Variants in RAPGEF4 observed in about 807,000 individuals in gnomAD.
RAPGEF4 encodes RAP guanine-nucleotide-exchange factor (GEF) 4.
A neutral mutation model predicts 147.9 loss-of-function variants in RAPGEF4; 66 were observed. That is an observed-to-expected ratio of 0.45 (90% CI 0.37 to 0.55). The LOEUF is 0.55. RAPGEF4 is among the 20% of genes least tolerant of loss of function. The pLI is 0.00. For missense variants in RAPGEF4, 1,071 were observed against 1,257.3 expected (o/e 0.85, Z 2.24); for synonymous variants, 419 against 442.7 (o/e 0.95, Z 0.67).
chr2:172,953,923 G>A (rs1688471848), intron 6 of RAPGEF4, among the ~76,000 whole-genome samples: 1 of 152,076 alleles, frequency 6.6e-6, no homozygotes, highest in Non-Finnish European at 1.5e-5. Context: ...GGGCTAGAGT[G>A]GCTACAGTCA....
chr2:172,971,407 G>A (rs765768203), intron 10 of RAPGEF4, among the ~76,000 whole-genome samples: 2 of 152,184 alleles, frequency 1.3e-5, no homozygotes, highest in Non-Finnish European at 2.9e-5. Context: ...AACAGTAGAA[G>A]CCTAAGTAAG....
At chr2:172,934,671 T>C (rs1359951272) in intron 6 of RAPGEF4, among the ~76,000 whole-genome samples, 2 of 151,752 alleles carry the variant, frequency 1.3e-5, no homozygotes, top group African/African-American at 4.8e-5. Flanking sequence ...ATACACACTC[T>C]AAGAGCCTTG....
intron 1 of RAPGEF4, among the ~76,000 whole-genome samples, chr2:172,761,315 A>G (rs12693011): frequency 0.98 from 148,781 of 151,988 alleles, 72,903 homozygotes; most frequent in East Asian, 1. Context: ...AGTACAGACA[A>G]GGTTTCTCCA....
At chr2:172,870,500 C>A (rs1695120350) in intron 4 of RAPGEF4, among the ~76,000 whole-genome samples, 1 of 152,130 alleles carries the variant, frequency 6.6e-6, no homozygotes, top group African/African-American at 2.4e-5. Context: ...TGGCCTGTGT[C>A]AGTTTATGTC....
At chr2:172,814,888 A>G (rs1243026556) in intron 4 of RAPGEF4, 1 of 232,046 alleles carries the variant, frequency 4.3e-6, no homozygotes, top group Non-Finnish European at 8.6e-6. Context: ...AAATGGAGGT[A>G]CATAAAGATG....
At chr2:172,917,913 G>A (rs1455971434) in intron 5 of RAPGEF4, 39 bp downstream of exon 5, 2 of 1,568,296 alleles carry the variant, frequency 1.3e-6, no homozygotes, top group East Asian at 4.5e-5. Context: ...CTAAAAATTT[G>A]TCGTGTGGTA....
Position 173,007,319 on chromosome 2 carries a change from A to G in RAPGEF4, c.1658+5975A>G, listed in dbSNP as rs540779533. Among the ~76,000 whole-genome samples the G allele has an allele frequency of 1.5e-4, 23 of 152,348 alleles. No individual in the cohort carries two copies. In the South Asian group the frequency reaches 4.3e-3, roughly 29 times the overall value. On this transcript the variant is annotated intron_variant, in intron 17 of 30. Transcript: ENST00000397081. ...GAAAATCAGTGGGAAAAATATTCTG[A>G]GCAAGAAAATGGGAGATATGTAAAG...
chr2:173,038,318 G>A (rs1048806567), intron 29 of RAPGEF4, among the ~76,000 whole-genome samples: 17 of 152,210 alleles, frequency 1.1e-4, no homozygotes, highest in Admixed American at 3.9e-4. Flanking sequence ...TGGCAAATGC[G>A]TAAAGAAACT....
In RAPGEF4 at chr2:172,797,593, T is replaced by G; in HGVS notation, c.277T>G (p.Ser93Ala). Reference protein sequence around the residue: ...VLAGSLDVKVSETSSHQDAVT... With the variant: ...VLAGSLDVKVAETSSHQDAVT... ...GGCAGGGTCTTTGGATGTTAAAGTA[T>G]CTGAGACCAGCAGTCACCAGGTAAT... is the stretch of plus-strand genomic sequence containing the variant. Residue 93 changes from serine (S) to alanine (A), a missense_variant, in exon 3 of 31, where the codon TCT becomes GCT. Transcript: ENST00000397081. The G allele has an allele frequency of 6.2e-7, 1 of 1,613,500 alleles. No individual in the cohort carries two copies. Among genetic ancestry groups the G allele is most frequent in the Non-Finnish European group, 8.5e-7 (1 of 1,179,574 alleles).
chr2:172,929,847 C>G (rs533794570), intron 6 of RAPGEF4, among the ~76,000 whole-genome samples: 2 of 152,276 alleles, frequency 1.3e-5, no homozygotes, highest in East Asian at 3.9e-4. Flanking sequence ...CTTAGGGTTT[C>G]AGTTAAACTC....
intron 23 of RAPGEF4, among the ~76,000 whole-genome samples, chr2:173,021,888 G>T (rs998692572): frequency 6.6e-6 from 1 of 152,100 alleles, no homozygotes; most frequent in Admixed American, 6.5e-5. Flanking sequence ...TAGTTTTCCT[G>T]CTAATCCCTC....
intron 4 of RAPGEF4, among the ~76,000 whole-genome samples, chr2:172,916,925 T>C (rs775144338): frequency 3.5e-4 from 54 of 152,234 alleles, no homozygotes; most frequent in Admixed American, 2.4e-3. Context: ...ATCGTAATTA[T>C]AAACCATAAA....
At chr2:172,893,192 A>G (rs937613885) in intron 4 of RAPGEF4, among the ~76,000 whole-genome samples, 2 of 152,232 alleles carry the variant, frequency 1.3e-5, no homozygotes, top group African/African-American at 2.4e-5. Context: ...GTGGGTCCAC[A>G]GCGAGGAGTT....
chr2:172,915,125 G>A (rs1186422129), intron 4 of RAPGEF4, among the ~76,000 whole-genome samples: 1 of 152,130 alleles, frequency 6.6e-6, no homozygotes, highest in Non-Finnish European at 1.5e-5. Flanking sequence ...CAATTTTAAG[G>A]ACTGACTTTT....
chr2:172,944,247 G>A (rs893585345), intron 6 of RAPGEF4, among the ~76,000 whole-genome samples: 2 of 152,132 alleles, frequency 1.3e-5, no homozygotes, highest in Non-Finnish European at 1.5e-5. Flanking sequence ...AAACTGACAG[G>A]TCTCAATAAT....
intron 1 of RAPGEF4, among the ~76,000 whole-genome samples, chr2:172,739,320 TG>T (rs1694095517): frequency 6.6e-6 from 1 of 151,824 alleles, no homozygotes; most frequent in African/African-American, 2.4e-5. Flanking sequence ...ATAGGTAAAA[TG>T]TCCTTTCTTT....
chr2:172,938,785 T>G (rs1686856002), intron 6 of RAPGEF4, among the ~76,000 whole-genome samples: 1 of 152,220 alleles, frequency 6.6e-6, no homozygotes, highest in Non-Finnish European at 1.5e-5. Context: ...CAGTACAGTA[T>G]CATACAGAAT....
rs150462162 is a variant in RAPGEF4 at position 173,004,129 on chromosome 2, G to A, written c.1658+2785G>A. Among the ~76,000 whole-genome samples, 718 of 152,250 alleles carry A rather than the reference G, an allele frequency of 4.7e-3. 49 individuals are homozygous for A. In the South Asian group the frequency reaches 0.12, roughly 25 times the overall value. ...GATTTGAGCCCTGAGCTACTGACAC[G>A]TATTTCTGTTCTTAATCCACATTGT... On this transcript the variant is annotated intron_variant, in intron 17 of 30. Coordinates refer to ENST00000397081, the MANE Select transcript of RAPGEF4 (RefSeq NM_007023.4).
intron 1 of RAPGEF4, among the ~76,000 whole-genome samples, chr2:172,756,559 G>A (rs1695796967): frequency 6.6e-6 from 1 of 152,180 alleles, no homozygotes; most frequent in African/African-American, 2.4e-5. Context: ...TCCTTGGACA[G>A]GAGTCCTCTT....
Sources: allele counts gnomAD v4.1 joint callset (sites outside exome capture counted in the v4.1 genomes callset), GRCh38; gene constraint gnomAD v4.1.1; transcripts MANE v1.5; gene names NCBI Gene and HGNC (gene_info 2026-07-23, HGNC 2026-07-21).